The following FOXN2 variants were observed in gnomAD, a reference collection of about 807,000 sequenced individuals.
FOXN2 encodes forkhead box protein N2.
FOXN2 carries 19 observed loss-of-function variants against 41.2 expected under a neutral mutation model. The observed-to-expected ratio is 0.46, with a 90% confidence interval of 0.32 to 0.68. FOXN2 has a LOEUF of 0.68. FOXN2 is among the 30% of genes least tolerant of loss of function. The probability of loss-of-function intolerance (pLI) is 0.03; values close to 1 mark genes in which losing one functional copy is unlikely to be tolerated. For synonymous variants in FOXN2, 195 were observed against 176.8 expected, an observed-to-expected ratio of 1.10 and a Z score of -0.82; for missense variants, 587 against 509.4, an observed-to-expected ratio of 1.15 and a Z score of -1.47.
Position 48,359,050 on chromosome 2 carries a change from A to G in FOXN2, c.541A>G (p.Asn181Asp). 6.2e-7 allele frequency: 1 copy of G among 1,611,120 alleles called. No homozygotes were observed. The highest frequency in any genetic ancestry group is 2.2e-5 in the East Asian group (1 of 44,730). ...QKVERSHGKV[N>D]GKGSLWCVDP... ...ATTCTTGTGCATTTTATTCTAGGTT[A>G]ATGGAAAAGGTTCCTTATGGTGTGT... Residue 181 changes from asparagine to aspartate, a missense_variant, in exon 4 of 7, where the codon AAT becomes GAT. By Grantham distance (23) the Asn-to-Asp change is conservative. Coordinates refer to ENST00000340553, the MANE Select transcript of FOXN2 (RefSeq NM_002158.4).
intron 1 of FOXN2, among the ~76,000 whole-genome samples, chr2:48,327,767 A>G (rs1669775304): frequency 6.6e-6 from 1 of 152,216 alleles, no homozygotes; most frequent in South Asian, 2.1e-4. Flanking sequence ...TAATAACATT[A>G]ATATCTTTAA....
In FOXN2 at chr2:48,317,869, A is replaced by G. The variant is rs557450854; in HGVS notation, c.-157+3055A>G. Among the ~76,000 whole-genome samples the G allele has an allele frequency of 1.1e-3, 173 of 151,952 alleles. 4 individuals are homozygous for G. The South Asian group carries it at 0.034, about 29-fold the overall frequency. ...GTATCCGCCTGCCTCAGCCTCCCAA[A>G]GTGCTGGGATTACAGGCGGGAACCA... On this transcript the variant is annotated intron_variant, in intron 1 of 6. Transcript: ENST00000340553.
rs747452547 is a variant in FOXN2, at chr2:48,346,352, A to G, written c.138A>G (p.Leu46=). The G allele has an allele frequency of 1.3e-5, 21 of 1,614,086 alleles. No individual in the cohort carries two copies. The highest frequency in any genetic ancestry group is 1.8e-5 in the Non-Finnish European group (21 of 1,180,032). Residue 46 remains leucine, a synonymous_variant, in exon 3 of 7, where the codon CTA becomes CTG. Coordinates refer to ENST00000340553, the MANE Select transcript of FOXN2 (RefSeq NM_002158.4). The part of the protein sequence containing the change: ...AVDAARPKAT[L]VDSESADDEL... ...ATGCTGCCAGGCCGAAGGCCACTCT[A>G]GTGGACAGTGAGTCAGCAGATGATG...
intron 2 of FOXN2, among the ~76,000 whole-genome samples, chr2:48,331,636 A>T (rs1055240798): frequency 6.6e-6 from 1 of 152,060 alleles, no homozygotes; most frequent in African/African-American, 2.4e-5. Context: ...TGAGCAACAT[A>T]AGGAGACGCT....
intron 2 of FOXN2, among the ~76,000 whole-genome samples, chr2:48,334,763 A>T (rs1314019805): frequency 6.6e-6 from 1 of 152,162 alleles, no homozygotes; most frequent in Non-Finnish European, 1.5e-5. Flanking sequence ...ATTTAGCAGG[A>T]AATAGTCTTC....
At chr2:48,337,761 G>A (rs760486386) in intron 2 of FOXN2, among the ~76,000 whole-genome samples, 2 of 152,146 alleles carry the variant, frequency 1.3e-5, no homozygotes, top group Non-Finnish European at 2.9e-5. Flanking sequence ...ATGGGAAATG[G>A]CTAATTTGGC....
intron 5 of FOXN2, among the ~76,000 whole-genome samples, chr2:48,371,984 G>T (rs764991672): frequency 1.3e-5 from 2 of 152,100 alleles, no homozygotes; most frequent in African/African-American, 2.4e-5. Context: ...AAACAGGGAC[G>T]TTTGACTTCC....
intron 4 of FOXN2, among the ~76,000 whole-genome samples, chr2:48,359,500 G>A (rs1572759746): frequency 6.6e-6 from 1 of 151,958 alleles, no homozygotes; most frequent in East Asian, 1.9e-4. Context: ...CACCATGTTG[G>A]CCTGGGTGGT....
At chr2:48,374,884 CA>C (rs1558644430) in intron 6 of FOXN2, 35 bp from the exon 7 acceptor site, 1 of 1,557,368 alleles carries the variant, frequency 6.4e-7, no homozygotes, top group Non-Finnish European at 8.7e-7. Flanking sequence ...CAACCAAACA[CA>C]TTTGACCTAT....
At chr2:48,350,824 C>T (rs893664649) in intron 3 of FOXN2, among the ~76,000 whole-genome samples, 8 of 152,184 alleles carry the variant, frequency 5.3e-5, no homozygotes, top group Admixed American at 6.5e-5. Flanking sequence ...TGCTAGCTAA[C>T]ATTTGGTCTT....
rs181374240 is a variant in FOXN2, at chr2:48,352,015, T to G, written c.537+5264T>G. Among the ~76,000 whole-genome samples the G allele has an allele frequency of 2.7e-4, 41 of 152,290 alleles. No individual in the cohort carries two copies. The East Asian group carries it at 7.9e-3, about 29-fold the overall frequency. ...GGTGGAAAAGCAGAGTGATCCAGAA[T>G]AGAAGTGTGATGAATATCATGCTTG... On this transcript the variant is annotated intron_variant, in intron 3 of 6. Transcript: ENST00000340553.
chr2:48,345,026 G>T (rs1325263766), intron 2 of FOXN2, among the ~76,000 whole-genome samples: 1 of 152,044 alleles, frequency 6.6e-6, no homozygotes, highest in Non-Finnish European at 1.5e-5. Flanking sequence ...TTGAATAGAA[G>T]GGTGTTTAAA....
At chr2:48,320,081 A>G (rs979324342) in intron 1 of FOXN2, among the ~76,000 whole-genome samples, 1 of 152,092 alleles carries the variant, frequency 6.6e-6, no homozygotes, top group African/African-American at 2.4e-5. Context: ...ACAGAAAAAA[A>G]GGGGAAGAGG....
intron 4 of FOXN2, among the ~76,000 whole-genome samples, chr2:48,360,951 T>A (rs1672132839): frequency 6.6e-6 from 1 of 151,522 alleles, no homozygotes; most frequent in Non-Finnish European, 1.5e-5. Flanking sequence ...GAGGCAGATG[T>A]TGCAATGAGC....
At chr2:48,369,605 T>G (rs1256717678) in intron 5 of FOXN2, among the ~76,000 whole-genome samples, 1 of 152,262 alleles carries the variant, frequency 6.6e-6, no homozygotes, top group African/African-American at 2.4e-5. Flanking sequence ...GTGCTTCATT[T>G]ATAAGATAAA....
At chr2:48,315,810 G>T (rs186681661) in intron 1 of FOXN2, among the ~76,000 whole-genome samples, 48 of 152,350 alleles carry the variant, frequency 3.2e-4, no homozygotes, top group Admixed American at 2.0e-3. Flanking sequence ...CACTCTCGCA[G>T]TGTTCTTGCA....
chr2:48,322,313 G>A (rs1370216505), intron 1 of FOXN2, among the ~76,000 whole-genome samples: 2 of 152,026 alleles, frequency 1.3e-5, no homozygotes, highest in African/African-American at 4.8e-5. Context: ...TAATTGTAAA[G>A]TGAAACAAAT....
At chr2:48,335,677 A>G (rs1453435178) in intron 2 of FOXN2, among the ~76,000 whole-genome samples, 1 of 151,432 alleles carries the variant, frequency 6.6e-6, no homozygotes, top group African/African-American at 2.4e-5. Context: ...GGTGACAATT[A>G]TATAGGTGAA....
In FOXN2 at chr2:48,375,578, G is replaced by A. The variant is rs1673201846; in HGVS notation, c.*135G>A. On this transcript the variant is annotated 3_prime_UTR_variant, in exon 7 of 7. Coordinates refer to ENST00000340553, the MANE Select transcript of FOXN2 (RefSeq NM_002158.4). ...TTCTTTCAAAACATTTTTGGTTTTT[G>A]GTTTTTAAAATTTTTATTAAACAAT... 14 of 948,810 alleles carry A rather than the reference G, an allele frequency of 1.5e-5. No homozygotes were observed. The highest frequency in any genetic ancestry group is 2.0e-5 in the Non-Finnish European group (13 of 661,054). 58.8% of individuals were successfully genotyped at this position (948,810 alleles called of 1,614,324 possible). A position where few individuals can be genotyped will look rare whatever the true frequency, so the allele number is the denominator to read the frequency against.
Sources: gnomAD v4.1 joint callset for allele counts (sites outside exome capture counted in the v4.1 genomes callset) on GRCh38, gnomAD v4.1.1 for gene constraint, MANE v1.5 for transcripts, NCBI Gene and HGNC (gene_info 2026-07-23, HGNC 2026-07-21) for gene names.